The following BCAT2 variants were observed in gnomAD, a reference collection of about 807,000 sequenced individuals.
BCAT2 encodes branched-chain-amino-acid aminotransferase, mitochondrial.
In BCAT2, 44 loss-of-function variants were observed where a neutral mutation model predicts 52.9. The ratio of observed to expected loss-of-function variants is 0.83; its 90% CI spans 0.65 to 1.07. The LOEUF is 1.07. BCAT2 is among the 50% of genes least tolerant of loss of function. The pLI is 0.00. For synonymous variants in BCAT2, 215 were observed against 217.1 expected, an observed-to-expected ratio of 0.99 and a Z score of 0.08; for missense variants, 478 against 521.8, an observed-to-expected ratio of 0.92 and a Z score of 0.82.
In BCAT2 at chr19:48,795,386, G is replaced by A; in HGVS notation, c.*40C>T. 6.2e-7 allele frequency: 1 copy of A among 1,613,446 alleles called. No individual in the cohort carries two copies. The highest frequency in any genetic ancestry group is 1.1e-5 in the South Asian group (1 of 91,036). On this transcript the variant is annotated 3_prime_UTR_variant, in exon 11 of 11. Transcript: ENST00000316273. ...AGGGAGGCGAGTGCTGGCGTGACGA[G>A]ATGCTACGGGTCGGTGGATCTGGAG...
At chr19:48,808,338 A>G (rs2034839472) in intron 1 of BCAT2, 4 of 830,822 alleles carry the variant, frequency 4.8e-6, no homozygotes, top group Non-Finnish European at 5.8e-6. Context: ...GATGAAAAAA[A>G]GAGAGTAAGA....
chr19:48,795,616 G>C, intron 10 of BCAT2, 152 bp from the exon 11 acceptor site: 4 of 861,132 alleles, frequency 4.6e-6, no homozygotes, highest in Non-Finnish European at 7.4e-6. Flanking sequence ...ACAATGATGG[G>C]AACGGGGAAT....
rs763759519 is a variant in BCAT2 at position 48,810,975 on chromosome 19, C to A, written c.24+9G>T. On this transcript the variant is annotated intron_variant, in intron 1 of 10. Coordinates refer to ENST00000316273, the MANE Select transcript of BCAT2 (RefSeq NM_001190.4). ...TTTCCCAGACCCCGGCGCGGGGCTG[C>A]GAACCCACCTGCCCCAGAGCGGCTG... The A allele has an allele frequency of 1.2e-6, 2 of 1,607,976 alleles. No individual in the cohort carries two copies. Among genetic ancestry groups the A allele is most frequent in the Admixed American group, 1.7e-5 (1 of 59,724 alleles).
rs2034538937 is a variant in BCAT2, at chr19:48,797,011, C to T, written c.850G>A (p.Val284Met). 1.2e-6 allele frequency: 2 copies of T among 1,614,062 alleles called. No homozygotes were observed. Among genetic ancestry groups the T allele is most frequent in the African/African-American group, 1.3e-5 (1 of 74,924 alleles). Reference protein sequence around the residue: ...WTHEDGVLELVTPPLNGVILP... With the variant: ...WTHEDGVLELMTPPLNGVILP... ...ATAACACCATTCAGCGGGGGCGTCA[C>T]CAGCTCCAGCACTAGGGCAGGTGTA... is the stretch of plus-strand genomic sequence containing the variant. The change falls in exon 8 of 11, where the codon GTG becomes ATG. Residue 284 changes from valine (V) to methionine (M), a missense_variant. By Grantham distance (21) the Val-to-Met change is conservative. Transcript: ENST00000316273.
chr19:48,799,767 G>C lies in BCAT2; in HGVS notation c.603C>G (p.Phe201Leu), dbSNP rs777505048. The C allele has an allele frequency of 2.5e-6, 4 of 1,574,464 alleles. No individual in the cohort carries two copies. The highest frequency in any genetic ancestry group is 3.4e-6 in the Non-Finnish European group (4 of 1,160,268). ...AGACCGGGGTCACGGAGCCTCCAGG[G>C]AAGTAGGCACCCACTGGGCAGAGAA... is the stretch of plus-strand genomic sequence containing the variant. ...FVILCPVGAY[F>L]PGGSVTPVSL... Residue 201 changes from phenylalanine (F) to leucine (L), a missense_variant, in exon 6 of 11, where the codon TTC becomes TTG. Phe to Leu is a conservative substitution (Grantham distance 22, BLOSUM62 0). Transcript: ENST00000316273. The surrounding 1 kb of genome is among the most constrained non-coding windows in gnomAD (Gnocchi z 5.5).
intron 3 of BCAT2, among the ~76,000 whole-genome samples, chr19:48,803,930 C>T (rs1014844437): frequency 1.3e-5 from 2 of 151,956 alleles, no homozygotes; most frequent in Admixed American, 6.6e-5. Context: ...GAGGATGAGG[C>T]GGTGGATCAT....
intron 6 of BCAT2, among the ~76,000 whole-genome samples, chr19:48,798,651 G>GT (rs2034585870): frequency 1.3e-5 from 2 of 151,222 alleles, no homozygotes; most frequent in South Asian, 4.2e-4. Context: ...TTGAGATGGA[G>GT]TTTCGCTCTG....
At chr19:48,810,904 C>A (rs1009186748) in intron 1 of BCAT2, 80 bp downstream of exon 1, 6 of 1,563,204 alleles carry the variant, frequency 3.8e-6, no homozygotes, top group Non-Finnish European at 4.3e-6. Context: ...CGAGTCGGAC[C>A]GGCTGCAGGC....
In BCAT2 at chr19:48,803,679, C is replaced by A. The variant is rs183281789; in HGVS notation, c.300+2838G>T. ...CCTGGGTAACATGGTGAAACCCCAT[C>A]CCTATTATTTAAAGATAATAAATAA... On this transcript the variant is annotated intron_variant, in intron 3 of 10. Coordinates refer to ENST00000316273, the MANE Select transcript of BCAT2 (RefSeq NM_001190.4). Among the ~76,000 whole-genome samples the A allele has an allele frequency of 9.9e-4, 150 of 152,142 alleles. 1 individual carries two copies. Among genetic ancestry groups the A allele is most frequent in the African/African-American group, 3.5e-3 (145 of 41,502 alleles).
chr19:48,810,923 T>G, intron 1 of BCAT2, 61 bp downstream of exon 1: 5 of 1,584,770 alleles, frequency 3.2e-6, no homozygotes, highest in Non-Finnish European at 4.3e-6. Context: ...GCCAGTGGTC[T>G]TCCCGGAAGT....
rs1213780495 is a variant in BCAT2, at chr19:48,799,569, T to G, written c.695+106A>C. The stretch of plus-strand genomic sequence containing the variant: ...TGAGCCCTGCACGGTGCTGATGATG[T>G]CACCTTCATGTGACATCCAGAGGCA... On this transcript the variant is annotated intron_variant, in intron 6 of 10. Coordinates refer to ENST00000316273, the MANE Select transcript of BCAT2 (RefSeq NM_001190.4). This position sits in a 1 kb window ranked among gnomAD's most constrained non-coding sequence, Gnocchi z 5.5. 42 of 1,375,996 alleles carry G rather than the reference T, an allele frequency of 3.1e-5. No individual in the cohort carries two copies. Among genetic ancestry groups the G allele is most frequent in the Non-Finnish European group, 3.5e-5 (36 of 1,035,744 alleles). The allele number at this position is 1,375,996 out of a possible 1,614,324, so 85.2% of individuals were successfully genotyped here.
intron 6 of BCAT2, among the ~76,000 whole-genome samples, chr19:48,798,518 G>A (rs2034581985): frequency 6.6e-6 from 1 of 152,108 alleles, no homozygotes; most frequent in African/African-American, 2.4e-5. Flanking sequence ...TTCTGTCCCT[G>A]TACACATGGT....
In BCAT2 at chr19:48,800,201, G is replaced by A; in HGVS notation, c.397C>T (p.Arg133Cys). ...GGACCCCTCACCGGCAGGCACAGGCGCATGGCTGAGCGCAGCATCCGGTCC... is the reference window on the plus strand; with the variant it reads ...GGACCCCTCACCGGCAGGCACAGGCACATGGCTGAGCGCAGCATCCGGTCC... ...NMDRMLRSAM[R>C]LCLPSFDKLE... The change falls in exon 4 of 11, where the codon CGC becomes TGC. Residue 133 changes from arginine (R) to cysteine (C), a missense_variant. Transcript: ENST00000316273. The A allele has an allele frequency of 3.1e-6, 5 of 1,613,538 alleles. No homozygotes were observed. Among genetic ancestry groups the A allele is most frequent in the Non-Finnish European group, 4.2e-6 (5 of 1,179,968 alleles).
In BCAT2 at chr19:48,807,163, C is replaced by T. The variant is rs1279850084; in HGVS notation, c.25-89G>A. ...TCGCCACCTCCTGCACTTGGAGGTC[C>T]CACTGGCCTGCCTGTTCTGTCCCAG... On this transcript the variant is annotated intron_variant, in intron 1 of 10. Coordinates refer to ENST00000316273, the MANE Select transcript of BCAT2 (RefSeq NM_001190.4). The surrounding 1 kb of genome is among the most constrained non-coding windows in gnomAD (Gnocchi z 4.6). 1 of 1,104,580 alleles carries T rather than the reference C, an allele frequency of 9.1e-7. No homozygotes were observed. Among genetic ancestry groups the T allele is most frequent in the Non-Finnish European group, 1.3e-6 (1 of 756,422 alleles). 68.4% of individuals were successfully genotyped at this position (1,104,580 alleles called of 1,614,324 possible).
intron 1 of BCAT2, among the ~76,000 whole-genome samples, chr19:48,808,623 C>T (rs1223804847): frequency 2.0e-5 from 3 of 151,268 alleles, no homozygotes; most frequent in Admixed American, 6.6e-5. Context: ...GGTGTGGTGG[C>T]GGGCGCCTGT....
chr19:48,803,151 T>C (rs1853114933), intron 3 of BCAT2, among the ~76,000 whole-genome samples: 2 of 151,700 alleles, frequency 1.3e-5, no homozygotes, highest in South Asian at 4.2e-4. Flanking sequence ...GCTGAGACCA[T>C]GCCACTGCAC....
intron 7 of BCAT2, 74 bp from the exon 8 acceptor site, chr19:48,797,096 C>A (rs1478410257): frequency 2.5e-6 from 4 of 1,607,794 alleles, no homozygotes; most frequent in Non-Finnish European, 3.4e-6. Context: ...CCACCCCCTT[C>A]CCCCATCCCA....
intron 1 of BCAT2, among the ~76,000 whole-genome samples, chr19:48,809,277 G>A (rs769554817): frequency 1.8e-4 from 27 of 151,896 alleles, no homozygotes; most frequent in Non-Finnish European, 3.4e-4. Context: ...AAGAAAAGAC[G>A]AGACAAAGAA....
At chr19:48,797,159 C>T in intron 7 of BCAT2, 32 bp downstream of exon 7, 1 of 1,612,252 alleles carries the variant, frequency 6.2e-7, no homozygotes, top group Non-Finnish European at 8.5e-7. Flanking sequence ...CCACTTCCAC[C>T]AGGGTTCGGG....
Sources: gnomAD v4.1 joint callset for allele counts (sites outside exome capture counted in the v4.1 genomes callset) on GRCh38, gnomAD v4.1.1 for gene constraint, Gnocchi (gnomAD v3.1) non-coding constraint, MANE v1.5 for transcripts, NCBI Gene and HGNC (gene_info 2026-07-23, HGNC 2026-07-21) for gene names.